Variants in NKAIN2 observed in about 807,000 individuals in gnomAD.
NKAIN2 encodes the protein sodium/potassium transporting ATPase interacting 2, also known as sodium/potassium-transporting ATPase subunit beta-1-interacting protein 2.
In NKAIN2, 14 loss-of-function variants were observed where a neutral mutation model predicts 32.6. The observed-to-expected ratio is 0.43, with a 90% confidence interval of 0.28 to 0.67. The LOEUF (loss-of-function observed/expected upper bound fraction) is 0.67. Ranked by LOEUF, NKAIN2 falls within the 30% of genes least tolerant of loss-of-function variation. The probability of loss-of-function intolerance (pLI) is 0.17; values close to 1 mark genes in which losing one functional copy is unlikely to be tolerated. For missense variants in NKAIN2, 198 were observed against 258.3 expected (o/e 0.77, Z 1.60); for synonymous variants, 80 against 87.2 (o/e 0.92, Z 0.46).
chr6:124,001,685 T>C (rs1278104616), intron 1 of NKAIN2, among the ~76,000 whole-genome samples: 1 of 151,460 alleles, frequency 6.6e-6, no homozygotes, highest in East Asian at 1.9e-4. Context: ...TTTTAAATAA[T>C]TGTTTTGTTT....
intron 3 of NKAIN2, chr6:124,490,310 G>C (rs908464485): frequency 2.9e-5 from 12 of 409,376 alleles, no homozygotes; most frequent in Non-Finnish European, 4.8e-5. Context: ...CCACCAATTA[G>C]AGAATGACAC....
chr6:124,392,565 G>T (rs1773189322), intron 3 of NKAIN2, among the ~76,000 whole-genome samples: 1 of 152,090 alleles, frequency 6.6e-6, no homozygotes, highest in Non-Finnish European at 1.5e-5. Context: ...CTGAGCCGAA[G>T]AAAAGTTTAG....
intron 4 of NKAIN2, among the ~76,000 whole-genome samples, chr6:124,689,808 C>T (rs1220369959): frequency 6.6e-6 from 1 of 152,064 alleles, no homozygotes; most frequent in Non-Finnish European, 1.5e-5. Flanking sequence ...TTATTCTGTT[C>T]CATTGATCTA....
At chr6:124,108,949 T>A (rs1167618234) in intron 1 of NKAIN2, among the ~76,000 whole-genome samples, 2 of 152,036 alleles carry the variant, frequency 1.3e-5, no homozygotes, top group Non-Finnish European at 2.9e-5. Flanking sequence ...AACATTGTCA[T>A]GTATTTTGGA....
At position 124,707,982 on chromosome 6, in the gene NKAIN2, G is replaced by A. The variant is rs375539117; in HGVS notation, c.474+49596G>A. ...GGGTTTTTATGGTTTTAGGTCTAAC[G>A]TTTAAGTCTTTAATCCATCTTGAAT... On this transcript the variant is annotated intron_variant, in intron 4 of 6. Transcript: ENST00000368417. 2.0e-3 allele frequency among the ~76,000 whole-genome samples: 302 copies of A among 148,644 alleles called. 2 individuals carry two copies. The highest frequency in any genetic ancestry group is 0.017 in the East Asian group (86 of 5,044).
At chr6:124,738,871 G>A (rs1777072079) in intron 4 of NKAIN2, among the ~76,000 whole-genome samples, 1 of 151,806 alleles carries the variant, frequency 6.6e-6, no homozygotes, top group South Asian at 2.1e-4. Flanking sequence ...TTCACAACCT[G>A]CAATGTATTA....
chr6:123,933,799 G>A (rs1776377077), intron 1 of NKAIN2, among the ~76,000 whole-genome samples: 1 of 152,204 alleles, frequency 6.6e-6, no homozygotes, highest in Non-Finnish European at 1.5e-5. Context: ...GAGTCTTGCT[G>A]AACTCCCACT....
chr6:123,872,430 CCCAGGCTCCCAG>C (rs1772939434), intron 1 of NKAIN2, among the ~76,000 whole-genome samples: 1 of 152,180 alleles, frequency 6.6e-6, no homozygotes, highest in African/African-American at 2.4e-5. Context: ...GGCATAAATT[CCCAGGCTCCCAG>C]GGGTCTGGGG....
chr6:124,432,585 G>A (rs145554616), intron 3 of NKAIN2, among the ~76,000 whole-genome samples: 1 of 152,010 alleles, frequency 6.6e-6, no homozygotes, highest in African/African-American at 2.4e-5. Context: ...TCCAGCCTGG[G>A]CAGCAGAGCA....
Position 124,805,031 on chromosome 6 carries a change from C to G in NKAIN2, c.536-13356C>G, listed in dbSNP as rs1047679386. On this transcript the variant is annotated intron_variant, in intron 5 of 6. Coordinates refer to ENST00000368417, the MANE Select transcript of NKAIN2 (RefSeq NM_001040214.3). ...GGAGCCCACCACAGCTCAAGGAGGC[C>G]TGCCTGCCTCTGTAGGCTCCACCTC... is the stretch of plus-strand genomic sequence containing the variant. Among the ~76,000 whole-genome samples the G allele has an allele frequency of 1.4e-4, 21 of 152,346 alleles. 1 individual carries two copies. The South Asian group carries it at 2.1e-3, about 15-fold the overall frequency.
intron 3 of NKAIN2, among the ~76,000 whole-genome samples, chr6:124,428,845 G>A (rs1280680453): frequency 6.6e-6 from 1 of 152,054 alleles, no homozygotes; most frequent in Non-Finnish European, 1.5e-5. Flanking sequence ...GTGTGTGCCC[G>A]TGTGCTGATG....
At chr6:124,223,824 C>A (rs1302863149) in intron 1 of NKAIN2, among the ~76,000 whole-genome samples, 1 of 152,052 alleles carries the variant, frequency 6.6e-6, no homozygotes, top group Non-Finnish European at 1.5e-5. Flanking sequence ...AGATAGTTAC[C>A]ACCTATTGCT....
chr6:124,581,936 A>G (rs1265791213), intron 3 of NKAIN2, among the ~76,000 whole-genome samples: 1 of 152,190 alleles, frequency 6.6e-6, no homozygotes, highest in African/African-American at 2.4e-5. Context: ...TCAAAAAGAC[A>G]ACCTAACAAT....
intron 5 of NKAIN2, among the ~76,000 whole-genome samples, chr6:124,814,653 G>A (rs1781064025): frequency 2.0e-5 from 3 of 152,030 alleles, no homozygotes; most frequent in Admixed American, 6.6e-5. Flanking sequence ...AGCTCCATTC[G>A]CATCACAGGC....
intron 1 of NKAIN2, among the ~76,000 whole-genome samples, chr6:123,956,130 TG>T (rs1171991378): frequency 6.6e-6 from 1 of 152,136 alleles, no homozygotes; most frequent in East Asian, 1.9e-4. Context: ...TGTAAAATGC[TG>T]GATGCATTAT....
At chr6:124,254,918 G>A (rs756376222) in intron 1 of NKAIN2, among the ~76,000 whole-genome samples, 2 of 151,932 alleles carry the variant, frequency 1.3e-5, no homozygotes, top group Admixed American at 6.6e-5. Flanking sequence ...GCTTTTTATC[G>A]TGCTTAATAG....
intron 1 of NKAIN2, among the ~76,000 whole-genome samples, chr6:123,859,109 C>T (rs567940998): frequency 6.6e-6 from 1 of 152,078 alleles, no homozygotes; most frequent in South Asian, 2.1e-4. Flanking sequence ...TAGTATACAA[C>T]TAATAATTAA....
At chr6:124,786,641 T>G (rs1305788512) in intron 4 of NKAIN2, among the ~76,000 whole-genome samples, 1 of 152,040 alleles carries the variant, frequency 6.6e-6, no homozygotes, top group Non-Finnish European at 1.5e-5. Context: ...CCAGGTGAAT[T>G]AGAAGTGAAC....
intron 1 of NKAIN2, among the ~76,000 whole-genome samples, chr6:123,909,320 G>C (rs1775046501): frequency 6.6e-6 from 1 of 152,132 alleles, no homozygotes; most frequent in East Asian, 1.9e-4. Context: ...CTTGCAAGTA[G>C]AGGAATATTT....
Sources: allele counts gnomAD v4.1 joint callset (sites outside exome capture counted in the v4.1 genomes callset), GRCh38; gene constraint gnomAD v4.1.1; transcripts MANE v1.5; gene names NCBI Gene and HGNC (gene_info 2026-07-23, HGNC 2026-07-21).